PMM2: variants seen among roughly 807,000 people sequenced by gnomAD.
PMM2 encodes the protein mannose-6-phosphate isomerase.
PMM2 carries 35 observed loss-of-function variants against 33.2 expected under a neutral mutation model. The observed-to-expected ratio is 1.06, with a 90% CI of 0.81 to 1.40. The LOEUF is 1.40. PMM2 is among the 40% of genes most tolerant of loss of function. The pLI, the probability that PMM2 is intolerant of heterozygous loss-of-function variation, is 0.00. For missense variants in PMM2, 386 were observed against 306.0 expected (o/e 1.26, Z -1.95); for synonymous variants, 153 against 114.7 (o/e 1.33, Z -2.13).
intron 7 of PMM2, among the ~76,000 whole-genome samples, chr16:8,844,634 G>C (rs1229969425): frequency 6.6e-6 from 1 of 152,254 alleles, no homozygotes; most frequent in Non-Finnish European, 1.5e-5. Context: ...TGACACCTCT[G>C]AAACGTGGGT....
intron 7 of PMM2, among the ~76,000 whole-genome samples, chr16:8,826,002 C>T (rs894060715): frequency 3.3e-5 from 5 of 152,128 alleles, no homozygotes; most frequent in East Asian, 3.9e-4. Context: ...GATCTGCCTG[C>T]GTCGGCCTTC....
At chr16:8,847,175 G>C (rs780447991) in intron 7 of PMM2, among the ~76,000 whole-genome samples, 94 of 152,250 alleles carry the variant, frequency 6.2e-4, no homozygotes, top group Middle Eastern at 3.4e-3. Flanking sequence ...ACGTGGGGCT[G>C]TTTAAATTAA....
At chr16:8,832,744 C>G (rs2060818187) in intron 7 of PMM2, 2 of 985,184 alleles carry the variant, frequency 2.0e-6, no homozygotes, top group African/African-American at 3.5e-5. Flanking sequence ...CTTCAGGCGG[C>G]TACCCGTGAA....
intron 7 of PMM2, 145 bp downstream of exon 7, chr16:8,813,251 G>A: frequency 2.8e-6 from 2 of 715,642 alleles, no homozygotes. Context: ...GGAGAGGTGG[G>A]TGATTGAGCC....
intron 7 of PMM2, among the ~76,000 whole-genome samples, chr16:8,821,211 G>C (rs77416365): frequency 6.6e-6 from 1 of 152,104 alleles, no homozygotes; most frequent in Non-Finnish European, 1.5e-5. Flanking sequence ...GTGAATTGCC[G>C]CTCCCACAGT....
intron 7 of PMM2, among the ~76,000 whole-genome samples, chr16:8,823,030 A>T (rs973275696): frequency 2.0e-4 from 31 of 151,618 alleles, no homozygotes; most frequent in Admixed American, 1.3e-4. Context: ...AGACAGACAG[A>T]TTGGGGTAGA....
At chr16:8,800,929 C>G (rs1251619493) in intron 1 of PMM2, among the ~76,000 whole-genome samples, 1 of 152,218 alleles carries the variant, frequency 6.6e-6, no homozygotes, top group African/African-American at 2.4e-5. Flanking sequence ...GTGATCCACC[C>G]GCCTCGGCCT....
chr16:8,808,391 A>ATCCTGTCCT (rs1186692571), intron 4 of PMM2: 2 of 152,112 alleles, frequency 1.3e-5, no homozygotes, highest in Non-Finnish European at 2.9e-5. Flanking sequence ...AAAAGGCATA[A>ATCCTGTCCT]TCCTGTCCTC....
At chr16:8,843,123 T>C (rs1472562949) in intron 7 of PMM2, among the ~76,000 whole-genome samples, 1 of 152,086 alleles carries the variant, frequency 6.6e-6, no homozygotes, top group Non-Finnish European at 1.5e-5. Flanking sequence ...GAGTAATGTC[T>C]AAGTTGGCAC....
chr16:8,833,054 C>G (rs1055852313), intron 7 of PMM2: 1 of 293,878 alleles, frequency 3.4e-6, no homozygotes, highest in South Asian at 1.3e-4. Flanking sequence ...CGTGCGCGTC[C>G]GTGTGAAGAG....
At chr16:8,823,139 TCAAGAGATGGCA>T (rs2060747593) in intron 7 of PMM2, among the ~76,000 whole-genome samples, 1 of 152,178 alleles carries the variant, frequency 6.6e-6, no homozygotes, top group African/African-American at 2.4e-5. Context: ...GTTTCCATTA[TCAAGAGATGGCA>T]CTGGAGATGG....
intron 7 of PMM2, among the ~76,000 whole-genome samples, chr16:8,827,849 A>T (rs1191030537): frequency 1.6e-5 from 1 of 61,440 alleles, no homozygotes; most frequent in South Asian, 5.8e-4. Context: ...ATAATATATA[A>T]TATATATGTT....
intron 7 of PMM2, among the ~76,000 whole-genome samples, chr16:8,837,514 C>T (rs2060857999): frequency 6.6e-6 from 1 of 150,964 alleles, no homozygotes; most frequent in Admixed American, 6.6e-5. Context: ...AGAGTAGAGA[C>T]ACGGAGAAGG....
chr16:8,825,760 T>TTTC (rs1555450886), intron 7 of PMM2, among the ~76,000 whole-genome samples: 2 of 149,946 alleles, frequency 1.3e-5, no homozygotes, highest in African/African-American at 2.5e-5. Flanking sequence ...AACACTATTT[T>TTTC]TTTTTTTTTT....
At position 8,827,882 on chromosome 16, in the gene PMM2, A is replaced by AATATATGATATATTATATATATGTT. The variant is rs1393246671; in HGVS notation, c.639+14789_639+14790insTATATATATGTTATATATGATATAT. 5.0e-3 allele frequency among the ~76,000 whole-genome samples: 533 copies of AATATATGATATATTATATATATGTT among 105,820 alleles called. 4 individuals are homozygous for AATATATGATATATTATATATATGTT. Among genetic ancestry groups the AATATATGATATATTATATATATGTT allele is most frequent in the African/African-American group, 0.017 (480 of 28,054 alleles). The allele number at this position is 105,820 out of a possible 152,430, so 69.4% of individuals were successfully genotyped here. On this transcript the variant is annotated intron_variant, in intron 7 of 7. Transcript: ENST00000268261. ...GTTATATATTATATATATGTTATAT[A>AATATATGATATATTATATATATGTT]ATATATGATATATATGATATATATT...
chr16:8,836,340 G>A (rs910970661), intron 7 of PMM2, among the ~76,000 whole-genome samples: 14 of 152,050 alleles, frequency 9.2e-5, no homozygotes, highest in Admixed American at 9.2e-4. Flanking sequence ...AGAGTTCCAG[G>A]GGCTCTGGGG....
chr16:8,819,185 C>T (rs1303848005), intron 7 of PMM2, among the ~76,000 whole-genome samples: 2 of 152,190 alleles, frequency 1.3e-5, no homozygotes, highest in Admixed American at 6.5e-5. Flanking sequence ...GGGACAGCCC[C>T]GCTGCTCCTC....
At chr16:8,845,102 G>A (rs866779064) in intron 7 of PMM2, among the ~76,000 whole-genome samples, 1 of 152,230 alleles carries the variant, frequency 6.6e-6, no homozygotes, top group Non-Finnish European at 1.5e-5. Context: ...TCACCTGGGT[G>A]CAGGCGGGCT....
intron 7 of PMM2, chr16:8,832,269 C>T (rs2060814715): frequency 1.0e-6 from 1 of 985,442 alleles, no homozygotes. Context: ...GATGCAGATG[C>T]TCCTGCGAGC....
Sources: gnomAD v4.1 joint callset for allele counts (sites outside exome capture counted in the v4.1 genomes callset) on GRCh38, gnomAD v4.1.1 for gene constraint, MANE v1.5 for transcripts, NCBI Gene and HGNC (gene_info 2026-07-23, HGNC 2026-07-21) for gene names.